The following SERAC1 variants were observed in gnomAD, a reference collection of about 807,000 sequenced individuals.
The protein encoded by SERAC1 is serine active site containing 1.
SERAC1 carries 36 observed loss-of-function variants against 85.7 expected under a neutral mutation model. The observed-to-expected ratio is 0.42, with a 90% confidence interval of 0.32 to 0.55. SERAC1 has a LOEUF of 0.55. Ranked by LOEUF, SERAC1 falls within the 20% of genes least tolerant of loss-of-function variation. The pLI is 0.11. For missense variants in SERAC1, 629 were observed against 796.2 expected (o/e 0.79, Z 2.53); for synonymous variants, 242 against 265.3 (o/e 0.91, Z 0.85).
rs1383168463 is a variant in SERAC1, at chr6:158,114,081, A to G, written c.1685-489T>C. 3.9e-5 allele frequency among the ~76,000 whole-genome samples: 6 copies of G among 152,296 alleles called. No homozygotes were observed. In the East Asian group the frequency reaches 1.2e-3, roughly 29 times the overall value. ...AGCTGGCCACAGAAAAAAAACAGCT[A>G]GATGAGGAGTAGAAGGGAACTCACA... is the stretch of plus-strand genomic sequence containing the variant. On this transcript the variant is annotated intron_variant, in intron 15 of 16. Coordinates refer to ENST00000647468, the MANE Select transcript of SERAC1 (RefSeq NM_032861.4).
rs138536589 is a variant in SERAC1 at position 158,117,756 on chromosome 6, G to A, written c.1374C>T (p.Ser458=). ...CCATAGGGCACCTTGCTCTCCAGTC[G>A]CTGAGGCTGGTGTCATACTCCACAG... The part of the protein sequence containing the change: ...IISVEYDTSL[S]DWRARCPMER... The change falls in exon 13 of 17, where the codon AGC becomes AGT. Residue 458 remains serine, a synonymous_variant. Transcript: ENST00000647468. The surrounding 1 kb of genome is among the most constrained non-coding windows in gnomAD (Gnocchi z 4.3). The A allele has an allele frequency of 7.9e-5, 127 of 1,614,062 alleles. No individual in the cohort carries two copies. Among genetic ancestry groups the A allele is most frequent in the Non-Finnish European group, 9.6e-5 (113 of 1,179,984 alleles).
rs749813981 is a variant in SERAC1 at position 158,114,845 on chromosome 6, G to A, written c.1628C>T (p.Ser543Phe). The change falls in exon 15 of 17, where the codon TCT becomes TTT. Residue 543 changes from serine (S) to phenylalanine (F), a missense_variant. Physicochemically the swap from Ser to Phe is radical, Grantham distance 155 (BLOSUM62 -2). Coordinates refer to ENST00000647468, the MANE Select transcript of SERAC1 (RefSeq NM_032861.4). ...GAAGAGAAGATAGCGAATATTAACA[G>A]AGTATTCAGCCAAACGTGATCCATG... ...PHHGSRLAEY[S>F]VNIRYLLFPS... 3.1e-6 allele frequency: 5 copies of A among 1,613,890 alleles called. No homozygotes were observed. The highest frequency in any genetic ancestry group is 2.7e-5 in the African/African-American group (2 of 74,898).
chr6:158,113,700 G>C (rs556398101), intron 15 of SERAC1, 108 bp from the exon 16 acceptor site: 4 of 1,020,852 alleles, frequency 3.9e-6, no homozygotes, highest in Non-Finnish European at 5.7e-6. Context: ...GATTCAAGAC[G>C]GTGGCTTGAG....
intron 15 of SERAC1, chr6:158,114,340 G>C (rs1390340228): frequency 7.4e-6 from 2 of 269,554 alleles, no homozygotes; most frequent in Non-Finnish European, 1.1e-5. Flanking sequence ...ATTTAGGCTC[G>C]AGCCAGGGAA....
rs1487687651 is a variant in SERAC1 at position 158,120,311 on chromosome 6, T to G, written c.1166+114A>C. On this transcript the variant is annotated intron_variant, in intron 11 of 16. Coordinates refer to ENST00000647468, the MANE Select transcript of SERAC1 (RefSeq NM_032861.4). This position sits in a 1 kb window ranked among gnomAD's most constrained non-coding sequence, Gnocchi z 4.4. ...CAAATTATTTTAGTAAATAAGATAT[T>G]TGACTTATAAGTTATTTAACTTATC... The G allele has an allele frequency of 9.2e-7, 1 of 1,082,020 alleles. No individual in the cohort carries two copies. Among genetic ancestry groups the G allele is most frequent in the African/African-American group, 1.6e-5 (1 of 62,220 alleles). 67.0% of individuals were successfully genotyped at this position (1,082,020 alleles called of 1,614,324 possible).
intron 2 of SERAC1, among the ~76,000 whole-genome samples, chr6:158,157,505 A>G (rs948702801): frequency 6.6e-6 from 1 of 152,232 alleles, no homozygotes; most frequent in African/African-American, 2.4e-5. Context: ...GTTTTATTCA[A>G]TATTGTATTC....
At chr6:158,122,654 C>T (rs1009335664) in intron 10 of SERAC1, among the ~76,000 whole-genome samples, 1 of 152,072 alleles carries the variant, frequency 6.6e-6, no homozygotes, top group Non-Finnish European at 1.5e-5. Context: ...GTGGTGGGCG[C>T]CTGTAATCCC....
chr6:158,121,802 T>G (rs1784428486), intron 10 of SERAC1, among the ~76,000 whole-genome samples: 1 of 152,238 alleles, frequency 6.6e-6, no homozygotes, highest in South Asian at 2.1e-4. Context: ...TTATTTTTAA[T>G]GAAGTCACAA....
rs1258502149 is a variant in SERAC1 at position 158,143,325 on chromosome 6, CTCTCTCTCTCTCTCTCTCTCTCTATA to C, written c.610-167_610-142del. The C allele has an allele frequency of 3.6e-4, 74 of 204,340 alleles. No homozygotes were observed. In the African/African-American group the frequency reaches 3.8e-3, roughly 11 times the overall value. 12.7% of individuals were successfully genotyped at this position (204,340 alleles called of 1,614,324 possible). The stretch of plus-strand genomic sequence containing the variant: ...TGCATGTCTCTCTCTCTCTCTCTCT[CTCTCTCTCTCTCTCTCTCTCTCTATA>C]TATATATATATATATATATATATAC... On this transcript the variant is annotated intron_variant, in intron 7 of 16. Coordinates refer to ENST00000647468, the MANE Select transcript of SERAC1 (RefSeq NM_032861.4).
At chr6:158,162,327 C>G (rs1169650393) in intron 1 of SERAC1, among the ~76,000 whole-genome samples, 1 of 152,180 alleles carries the variant, frequency 6.6e-6, no homozygotes, top group Admixed American at 6.5e-5. Flanking sequence ...AGAATAGTGC[C>G]TATTCCAAAT....
intron 14 of SERAC1, among the ~76,000 whole-genome samples, chr6:158,115,852 C>A (rs1478346971): frequency 6.6e-6 from 1 of 152,106 alleles, no homozygotes; most frequent in East Asian, 1.9e-4. Context: ...CTGGGGCCAC[C>A]CAAGAATGCT....
At chr6:158,111,764 G>A (rs1784148981) in intron 16 of SERAC1, 1 of 250,036 alleles carries the variant, frequency 4.0e-6, no homozygotes, top group African/African-American at 2.2e-5. Flanking sequence ...CCTTATTTCA[G>A]AGCAAGCAGA....
intron 8 of SERAC1, 129 bp downstream of exon 8, chr6:158,142,927 C>G: frequency 2.9e-6 from 2 of 694,796 alleles, no homozygotes; most frequent in Non-Finnish European, 4.9e-6. Flanking sequence ...TGACATCCAG[C>G]CCAGGGCATG....
rs1271209222 is a variant in SERAC1, at chr6:158,109,976, A to G, written c.*1390T>C. 6.6e-6 allele frequency: 1 copy of G among 152,252 alleles called. No individual in the cohort carries two copies. 9.4% of individuals were successfully genotyped at this position (152,252 alleles called of 1,614,324 possible). A position where few individuals can be genotyped will look rare whatever the true frequency, so the allele number is the denominator to read the frequency against. On this transcript the variant is annotated 3_prime_UTR_variant, in exon 17 of 17. Transcript: ENST00000647468. ...CAGAAAACAGATTAGTGTTTACCGC[A>G]GGCTTGGGAAAGCAGAGGTGGGAAC... is the stretch of plus-strand genomic sequence containing the variant.
chr6:158,120,680 G>C lies in SERAC1; in HGVS notation c.1016-105C>G. The C allele has an allele frequency of 8.0e-7, 1 of 1,246,588 alleles. No homozygotes were observed. 77.2% of individuals were successfully genotyped at this position (1,246,588 alleles called of 1,614,324 possible). A position where few individuals can be genotyped will look rare whatever the true frequency, so the allele number is the denominator to read the frequency against. On this transcript the variant is annotated intron_variant, in intron 10 of 16. Coordinates refer to ENST00000647468, the MANE Select transcript of SERAC1 (RefSeq NM_032861.4). This position sits in a 1 kb window ranked among gnomAD's most constrained non-coding sequence, Gnocchi z 4.4. ...ATGATGGGAGAAAGGCAAACCTTGC[G>C]TGTCTGTCCTTGGCGGAGAAGTCCG... is the stretch of plus-strand genomic sequence containing the variant.
In SERAC1 at chr6:158,119,224, G is replaced by A. The variant is rs1784364040; in HGVS notation, c.1167-54C>T. 1 of 1,539,402 alleles carries A rather than the reference G, an allele frequency of 6.5e-7. No individual in the cohort carries two copies. Among genetic ancestry groups the A allele is most frequent in the Non-Finnish European group, 8.8e-7 (1 of 1,135,412 alleles). ...GCAGAATAAATGCATTACTGCTTTG[G>A]TAAGAATCTACACAGCATTCTCTGT... is the stretch of plus-strand genomic sequence containing the variant. On this transcript the variant is annotated intron_variant, in intron 11 of 16. Coordinates refer to ENST00000647468, the MANE Select transcript of SERAC1 (RefSeq NM_032861.4). The surrounding 1 kb of genome is among the most constrained non-coding windows in gnomAD (Gnocchi z 4.5).
intron 1 of SERAC1, chr6:158,158,615 A>C: frequency 3.1e-6 from 1 of 322,054 alleles, no homozygotes; most frequent in Non-Finnish European, 5.8e-6. Flanking sequence ...TAGTTTTCAC[A>C]ATTGGAAAGA....
intron 2 of SERAC1, among the ~76,000 whole-genome samples, chr6:158,156,772 TATA>T (rs962751890): frequency 2.1e-5 from 3 of 140,012 alleles, no homozygotes; most frequent in Non-Finnish European, 4.6e-5. Flanking sequence ...ATATTTTATA[TATA>T]ATAAATATAT....
rs372997779 is a variant in SERAC1 at position 158,146,763 on chromosome 6, G to A, written c.487+19C>T. 113 of 1,612,428 alleles carry A rather than the reference G, an allele frequency of 7.0e-5. 1 individual carries two copies. The highest frequency in any genetic ancestry group is 1.7e-5 in the Admixed American group (1 of 59,938). ...AGAGCCAGCTGAAGGCATGCCACCTGTTCAGGTAGTCTCATTACCATGCCA... is the reference window on the plus strand; with the variant it reads ...AGAGCCAGCTGAAGGCATGCCACCTATTCAGGTAGTCTCATTACCATGCCA... On this transcript the variant is annotated intron_variant, in intron 6 of 16. Coordinates refer to ENST00000647468, the MANE Select transcript of SERAC1 (RefSeq NM_032861.4).
Sources: gnomAD v4.1 joint callset for allele counts (sites outside exome capture counted in the v4.1 genomes callset) on GRCh38, gnomAD v4.1.1 for gene constraint, Gnocchi (gnomAD v3.1) non-coding constraint, MANE v1.5 for transcripts, NCBI Gene and HGNC (gene_info 2026-07-23, HGNC 2026-07-21) for gene names.